The following KCNMA1 variants were observed in gnomAD, a reference collection of about 807,000 sequenced individuals.
KCNMA1 encodes the protein potassium calcium-activated channel subfamily M alpha 1.
In KCNMA1, 29 loss-of-function variants were observed where a neutral mutation model predicts 140.0. The observed-to-expected ratio is 0.21, with a 90% CI of 0.15 to 0.28. The LOEUF is 0.28. KCNMA1 is among the 10% of genes least tolerant of loss of function. The pLI, the probability that KCNMA1 is intolerant of heterozygous loss-of-function variation, is 1.00. For synonymous variants in KCNMA1, 612 were observed against 611.9 expected (o/e 1.00, Z 0.00); for missense variants, 880 against 1,602.2 (o/e 0.55, Z 7.70).
intron 1 of KCNMA1, among the ~76,000 whole-genome samples, chr10:77,456,966 C>T (rs1265807600): frequency 6.6e-6 from 1 of 152,162 alleles, no homozygotes; most frequent in Non-Finnish European, 1.5e-5. Flanking sequence ...GGTTGGATTA[C>T]TGGTTATTGA....
At chr10:77,312,426 G>A (rs945611374) in intron 2 of KCNMA1, among the ~76,000 whole-genome samples, 7 of 152,194 alleles carry the variant, frequency 4.6e-5, no homozygotes, top group Non-Finnish European at 1.0e-4. Flanking sequence ...AGGAGTTCGA[G>A]ACCAGCCTGG....
chr10:77,474,786 A>T (rs1017559073), intron 1 of KCNMA1, among the ~76,000 whole-genome samples: 5 of 152,124 alleles, frequency 3.3e-5, no homozygotes, highest in African/African-American at 1.2e-4. Context: ...TGGCCGGGAG[A>T]GCTGGTGGGT....
At chr10:77,041,687 C>A (rs1727362379) in intron 14 of KCNMA1, among the ~76,000 whole-genome samples, 1 of 152,180 alleles carries the variant, frequency 6.6e-6, no homozygotes, top group South Asian at 2.1e-4. Context: ...CACAGGCCTC[C>A]CTGAGGGAAG....
intron 1 of KCNMA1, among the ~76,000 whole-genome samples, chr10:77,487,103 C>T (rs536906107): frequency 7.9e-5 from 12 of 152,264 alleles, no homozygotes; most frequent in South Asian, 2.1e-4. Flanking sequence ...GGAAAGGTAC[C>T]GTCCTGCCTA....
chr10:77,161,928 A>G (rs564377797), intron 5 of KCNMA1, among the ~76,000 whole-genome samples: 1 of 152,362 alleles, frequency 6.6e-6, no homozygotes, highest in African/African-American at 2.4e-5. Context: ...TTCACAGTAT[A>G]CCATGCACAA....
Position 77,101,700 on chromosome 10 carries a change from C to T in KCNMA1, c.1223+6781G>A, listed in dbSNP as rs569062705. 9.1e-4 allele frequency among the ~76,000 whole-genome samples: 138 copies of T among 152,226 alleles called. 2 individuals are homozygous for T. In the Middle Eastern group the frequency reaches 0.034, roughly 38 times the overall value. ...AGGATGCAAAGCTTCAGTCACATTT[C>T]GACCAGAGCCATGTCTGCAATAGAG... On this transcript the variant is annotated intron_variant, in intron 9 of 27. Coordinates refer to ENST00000286628, the MANE Select transcript of KCNMA1 (RefSeq NM_001161352.2).
intron 2 of KCNMA1, among the ~76,000 whole-genome samples, chr10:77,283,227 C>G (rs1472744390): frequency 6.6e-6 from 1 of 152,220 alleles, no homozygotes; most frequent in Non-Finnish European, 1.5e-5. Flanking sequence ...TCTTCACATA[C>G]ACCTTCTTCT....
intron 14 of KCNMA1, among the ~76,000 whole-genome samples, chr10:77,050,387 C>CA (rs1565782964): frequency 6.6e-6 from 1 of 151,832 alleles, no homozygotes; most frequent in South Asian, 2.1e-4. Flanking sequence ...TTTGATAACA[C>CA]AAAAAACTAG....
At chr10:77,628,382 G>A (rs1456632708) in intron 1 of KCNMA1, among the ~76,000 whole-genome samples, 6 of 152,294 alleles carry the variant, frequency 3.9e-5, no homozygotes, top group South Asian at 2.1e-4. Flanking sequence ...CTCGCCGGGC[G>A]CGGTGGCTCA....
downstream of KCNMA1, chr10:76,883,994 T>C: frequency 2.0e-6 from 2 of 983,842 alleles, no homozygotes; most frequent in Non-Finnish European, 1.2e-6. Flanking sequence ...TATCTACCAC[T>C]GGGGCATGAC....
At chr10:77,284,905 G>A (rs1386678819) in intron 2 of KCNMA1, among the ~76,000 whole-genome samples, 1 of 151,922 alleles carries the variant, frequency 6.6e-6, no homozygotes, top group Non-Finnish European at 1.5e-5. Context: ...CTCAAATTAA[G>A]GTTATAACAG....
chr10:77,558,075 T>C (rs1351644088), intron 1 of KCNMA1, among the ~76,000 whole-genome samples: 1 of 152,150 alleles, frequency 6.6e-6, no homozygotes, highest in Non-Finnish European at 1.5e-5. Flanking sequence ...ACTGAAGGAT[T>C]TGCAAATTTT....
intron 17 of KCNMA1, 58 bp from the exon 18 acceptor site, chr10:77,012,101 TACC>T: frequency 1.3e-5 from 21 of 1,609,672 alleles, no homozygotes; most frequent in South Asian, 3.3e-5. Flanking sequence ...ATGAAATGAG[TACC>T]ACATTTCCTC....
chr10:77,330,730 T>C (rs1047498247), intron 2 of KCNMA1, among the ~76,000 whole-genome samples: 1 of 152,148 alleles, frequency 6.6e-6, no homozygotes, highest in Non-Finnish European at 1.5e-5. Flanking sequence ...AGGATGGCTC[T>C]TCAGGCAGCA....
chr10:77,432,738 G>T (rs1332129609), intron 1 of KCNMA1, among the ~76,000 whole-genome samples: 2 of 152,096 alleles, frequency 1.3e-5, no homozygotes, highest in African/African-American at 4.8e-5. Context: ...GGGACACTCT[G>T]GTCCCACTCA....
At chr10:77,179,642 T>A (rs2098786630) in intron 5 of KCNMA1, among the ~76,000 whole-genome samples, 1 of 151,332 alleles carries the variant, frequency 6.6e-6, no homozygotes, top group Non-Finnish European at 1.5e-5. Flanking sequence ...ATTCAAGGGG[T>A]AAGGACACAG....
intron 2 of KCNMA1, among the ~76,000 whole-genome samples, chr10:77,352,638 GTGTGTGTGTGTT>G (rs1022874740): frequency 2.6e-5 from 4 of 151,794 alleles, no homozygotes; most frequent in South Asian, 2.1e-4. Flanking sequence ...GTGTGTGTGT[GTGTGTGTGTGTT>G]TGTGTGTGTG....
intron 14 of KCNMA1, among the ~76,000 whole-genome samples, chr10:77,067,196 C>T (rs1315408038): frequency 6.6e-6 from 1 of 152,122 alleles, no homozygotes; most frequent in Non-Finnish European, 1.5e-5. Flanking sequence ...CTCAACCCAA[C>T]CCATGTGGGT....
intron 1 of KCNMA1, among the ~76,000 whole-genome samples, chr10:77,517,458 G>C (rs949195225): frequency 6.6e-6 from 1 of 152,206 alleles, no homozygotes; most frequent in African/African-American, 2.4e-5. Flanking sequence ...GTGCAGTGCA[G>C]GACATGGGCG....
Sources: allele counts gnomAD v4.1 joint callset (sites outside exome capture counted in the v4.1 genomes callset), GRCh38; gene constraint gnomAD v4.1.1; transcripts MANE v1.5; gene names NCBI Gene and HGNC (gene_info 2026-07-23, HGNC 2026-07-21).